The following MCMDC2 variants were observed in gnomAD, a reference collection of about 807,000 sequenced individuals.
The protein encoded by MCMDC2 is minichromosome maintenance domain containing 2.
Under a neutral mutation model 75.8 loss-of-function variants are expected in MCMDC2, and 54 were observed. The ratio of observed to expected loss-of-function variants is 0.71; its 90% CI spans 0.57 to 0.89. The LOEUF (loss-of-function observed/expected upper bound fraction) is 0.89. Ranked by LOEUF, MCMDC2 falls within the 40% of genes least tolerant of loss-of-function variation. MCMDC2 has a pLI of 0.00. For synonymous variants in MCMDC2, 249 were observed against 274.6 expected, an observed-to-expected ratio of 0.91 and a Z score of 0.92; for missense variants, 656 against 780.4, an observed-to-expected ratio of 0.84 and a Z score of 1.90.
downstream of MCMDC2, among the ~76,000 whole-genome samples, chr8:66,923,581 T>C (rs1315805292): frequency 6.6e-6 from 1 of 152,116 alleles, no homozygotes; most frequent in African/African-American, 2.4e-5. Flanking sequence ...GACAACTACA[T>C]GCATAATCCT....
chr8:66,905,973 C>T (rs183581149), intron 14 of MCMDC2, among the ~76,000 whole-genome samples: 9 of 150,572 alleles, frequency 6.0e-5, no homozygotes, highest in Admixed American at 3.3e-4. Flanking sequence ...CCACTGCACT[C>T]CAGTCTGGGT....
In MCMDC2 at chr8:66,920,253, T is replaced by G. The variant is rs901388681; in HGVS notation, c.*1084T>G. The G allele has an allele frequency of 3.9e-5, 6 of 152,258 alleles. No individual in the cohort carries two copies. The highest frequency in any genetic ancestry group is 5.9e-5 in the Non-Finnish European group (4 of 68,132). The allele number at this position is 152,258 out of a possible 1,614,324, so 9.4% of individuals were successfully genotyped here. ...CAAAGGTAGTGTTTTTGTTTTTTGTTTTTTTGAGATGGGGTCTCGCTCTGT... is the reference window on the plus strand; with the variant it reads ...CAAAGGTAGTGTTTTTGTTTTTTGTGTTTTTGAGATGGGGTCTCGCTCTGT... On this transcript the variant is annotated 3_prime_UTR_variant, in exon 15 of 15. Transcript: ENST00000422365.
At chr8:66,875,819 T>C (rs952146103) in intron 4 of MCMDC2, among the ~76,000 whole-genome samples, 3 of 152,196 alleles carry the variant, frequency 2.0e-5, no homozygotes, top group Admixed American at 2.0e-4. Context: ...TTTAGACCAT[T>C]ACCTTTTTGA....
At chr8:66,901,695 T>A in intron 13 of MCMDC2, 2 of 939,652 alleles carry the variant, frequency 2.1e-6, no homozygotes, top group Non-Finnish European at 2.5e-6. Flanking sequence ...ACTTTGGGAG[T>A]CCGAGAGGGC....
At chr8:66,896,758 G>T in intron 11 of MCMDC2, 22 bp from the exon 12 acceptor site, 1 of 1,545,662 alleles carries the variant, frequency 6.5e-7, no homozygotes. Flanking sequence ...ATGTTTGCCT[G>T]TTACCTTTTG....
At chr8:66,896,634 T>TA (rs1314070291) in intron 11 of MCMDC2, 146 bp from the exon 12 acceptor site, 1 of 654,602 alleles carries the variant, frequency 1.5e-6, no homozygotes, top group Non-Finnish European at 2.1e-6. Context: ...CCCAGATTAT[T>TA]AAAAAATTAC....
At chr8:66,878,773 A>G (rs1811421359) in intron 6 of MCMDC2, 42 bp from the exon 7 acceptor site, 3 of 1,438,078 alleles carry the variant, frequency 2.1e-6, no homozygotes, top group African/African-American at 2.9e-5. Context: ...TAAATTGAAT[A>G]TATATTCTAA....
Position 66,877,501 on chromosome 8 carries a change from G to T in MCMDC2, c.438G>T (p.Gly146=). 3.7e-6 allele frequency: 6 copies of T among 1,606,632 alleles called. No individual in the cohort carries two copies. Among genetic ancestry groups the T allele is most frequent in the Non-Finnish European group, 5.1e-6 (6 of 1,178,062 alleles). ...AMTTITKYTQ[G]ARFLCSDEAC... is the part of the protein sequence containing the mutation. ...CAACTATAACCAAGTATACACAAGGGGCAAGATTTCTTTGTTCAGATGAAG... is the reference window on the plus strand; with the variant it reads ...CAACTATAACCAAGTATACACAAGGTGCAAGATTTCTTTGTTCAGATGAAG... The change falls in exon 5 of 15, where the codon GGG becomes GGT. Residue 146 remains glycine, a synonymous_variant. Transcript: ENST00000422365.
At chr8:66,878,792 T>A in intron 6 of MCMDC2, 23 bp from the exon 7 acceptor site, 6 of 1,509,880 alleles carry the variant, frequency 4.0e-6, no homozygotes, top group Non-Finnish European at 5.4e-6. Flanking sequence ...AATATCTAAT[T>A]ATTTTTTGCT....
chr8:66,886,201 G>C (rs1047582480), intron 9 of MCMDC2, among the ~76,000 whole-genome samples: 1 of 96,680 alleles, frequency 1.0e-5, no homozygotes, highest in Non-Finnish European at 2.0e-5. Context: ...TTTCACTCTT[G>C]TTGCCCGGGC....
chr8:66,905,843 A>G (rs1236549483), intron 14 of MCMDC2, among the ~76,000 whole-genome samples: 1 of 151,998 alleles, frequency 6.6e-6, no homozygotes, highest in Non-Finnish European at 1.5e-5. Context: ...CGTCTCTACT[A>G]AAAGTACAAA....
At chr8:66,889,891 A>G (rs1812020638) in intron 9 of MCMDC2, among the ~76,000 whole-genome samples, 1 of 152,216 alleles carries the variant, frequency 6.6e-6, no homozygotes. Flanking sequence ...CATAATTGCC[A>G]TGACAGAAAC....
At position 66,919,266 on chromosome 8, in the gene MCMDC2, T is replaced by C. The variant is rs1010646527; in HGVS notation, c.*97T>C. 3.3e-6 allele frequency: 3 copies of C among 901,840 alleles called. No homozygotes were observed. Among genetic ancestry groups the C allele is most frequent in the African/African-American group, 1.7e-5 (1 of 58,438 alleles). The allele number at this position is 901,840 out of a possible 1,614,324, so 55.9% of individuals were successfully genotyped here. On this transcript the variant is annotated 3_prime_UTR_variant, in exon 15 of 15. Transcript: ENST00000422365. ...TTGAAGTAATGCTTTGATAATACTCTGTACAGGAATATATTACAATACTGT... is the reference window on the plus strand; with the variant it reads ...TTGAAGTAATGCTTTGATAATACTCCGTACAGGAATATATTACAATACTGT...
At chr8:66,879,821 A>G (rs1563369543) in intron 7 of MCMDC2, among the ~76,000 whole-genome samples, 1 of 152,166 alleles carries the variant, frequency 6.6e-6, no homozygotes, top group East Asian at 1.9e-4. Flanking sequence ...TTTTAAGACA[A>G]TGGGATCTCC....
chr8:66,922,680 GT>G, downstream of MCMDC2: 1 of 339,778 alleles, frequency 2.9e-6, no homozygotes, highest in Non-Finnish European at 6.0e-6. Context: ...GAAAACATCT[GT>G]TATGATGACT....
At chr8:66,923,657 G>T (rs2130884189), downstream of MCMDC2, among the ~76,000 whole-genome samples, 2 of 152,232 alleles carry the variant, frequency 1.3e-5, no homozygotes, top group South Asian at 4.2e-4. Flanking sequence ...AGCACTTTGT[G>T]GGGTCGGGGC....
chr8:66,918,800 G>C lies in MCMDC2; in HGVS notation c.1880-203G>C, dbSNP rs117935423. ...CTGCTTTCTGGGTTTCAGAAAACAA[G>C]AGTCAGATTTCAATAATGATTATTG... On this transcript the variant is annotated intron_variant, in intron 14 of 14. Coordinates refer to ENST00000422365, the MANE Select transcript of MCMDC2 (RefSeq NM_173518.5). Among the ~76,000 whole-genome samples the C allele has an allele frequency of 3.4e-4, 52 of 152,248 alleles. No individual in the cohort carries two copies. The East Asian group carries it at 3.7e-3, about 11-fold the overall frequency.
chr8:66,925,808 C>G (rs1813702369), downstream of MCMDC2, among the ~76,000 whole-genome samples: 1 of 152,172 alleles, frequency 6.6e-6, no homozygotes, highest in Non-Finnish European at 1.5e-5. Flanking sequence ...TAGAGCTAGT[C>G]AATGTTTAAT....
At chr8:66,896,146 A>G in intron 10 of MCMDC2, 24 bp from the exon 11 acceptor site, 2 of 1,589,608 alleles carry the variant, frequency 1.3e-6, no homozygotes, top group South Asian at 1.2e-5. Context: ...TTAAATAACA[A>G]ATGGATAATG....
Sources: allele counts gnomAD v4.1 joint callset (sites outside exome capture counted in the v4.1 genomes callset), GRCh38; gene constraint gnomAD v4.1.1; transcripts MANE v1.5; gene names NCBI Gene and HGNC (gene_info 2026-07-23, HGNC 2026-07-21).